RASEF: variants seen among roughly 807,000 people sequenced by gnomAD.
RASEF encodes RAS and EF-hand domain containing, also known as ras and EF-hand domain-containing protein.
Under a neutral mutation model 90.1 loss-of-function variants are expected in RASEF, and 68 were observed. The observed-to-expected ratio is 0.75, with a 90% CI of 0.62 to 0.92. The LOEUF is 0.92. Among genes scored for constraint, RASEF ranks in the 40% least tolerant of loss-of-function variants. The pLI is 0.00. For synonymous variants in RASEF, 331 were observed against 345.2 expected, an observed-to-expected ratio of 0.96 and a Z score of 0.46; for missense variants, 949 against 937.2, an observed-to-expected ratio of 1.01 and a Z score of -0.16.
the RASEF span, among the ~76,000 whole-genome samples, chr9:83,148,596 C>T: frequency 5.3e-5 from 8 of 152,114 alleles, no homozygotes; most frequent in Non-Finnish European, 1.2e-4. Context: ...AGATTTAGCC[C>T]CTGGAATTGT....
the RASEF span, among the ~76,000 whole-genome samples, chr9:83,216,179 G>A: frequency 2.0e-5 from 3 of 152,206 alleles, no homozygotes; most frequent in Non-Finnish European, 4.4e-5. Flanking sequence ...CATTTTCTGG[G>A]GAGAAATTCA....
At chr9:83,009,135 C>T (rs1292526413) in intron 6 of RASEF, among the ~76,000 whole-genome samples, 1 of 151,588 alleles carries the variant, frequency 6.6e-6, no homozygotes, top group Non-Finnish European at 1.5e-5. Flanking sequence ...GGGATACACA[C>T]ATATACACAT....
chr9:83,167,447 C>T, the RASEF span, among the ~76,000 whole-genome samples: 1 of 151,408 alleles, frequency 6.6e-6, no homozygotes, highest in Non-Finnish European at 1.5e-5. Context: ...GACACCAGCA[C>T]GTTGTAAACT....
At chr9:83,076,282 A>G in the RASEF span, among the ~76,000 whole-genome samples, 1 of 152,212 alleles carries the variant, frequency 6.6e-6, no homozygotes, top group Non-Finnish European at 1.5e-5. Flanking sequence ...TTTGAGTCTT[A>G]GATTAACAAT....
chr9:83,148,282 A>T, the RASEF span, among the ~76,000 whole-genome samples: 1 of 152,172 alleles, frequency 6.6e-6, no homozygotes, highest in African/African-American at 2.4e-5. Context: ...CTGAACTGTG[A>T]TCCCCCAAAT....
At chr9:83,104,968 A>G in the RASEF span, among the ~76,000 whole-genome samples, 2 of 152,206 alleles carry the variant, frequency 1.3e-5, no homozygotes, top group Non-Finnish European at 2.9e-5. Flanking sequence ...CTTTGGTGAC[A>G]AGAATAAAGA....
the RASEF span, among the ~76,000 whole-genome samples, chr9:83,112,153 A>G: frequency 2.9e-3 from 437 of 152,206 alleles, 3 homozygotes; most frequent in African/African-American, 9.9e-3. Flanking sequence ...ATAATAATGT[A>G]ATAATGCTAG....
Position 82,990,484 on chromosome 9 carries a change from C to T in RASEF, c.2041-17G>A. On this transcript the variant is annotated splice_polypyrimidine_tract_variant and intron_variant, in intron 15 of 16. Coordinates refer to ENST00000376447, the MANE Select transcript of RASEF (RefSeq NM_152573.4). Reference sequence around the variant, plus strand: ...CCCATACGTCTGTAAAAAAGAAATACACACAATTAAATGAAGCCCTTCATT... The same window carrying T: ...CCCATACGTCTGTAAAAAAGAAATATACACAATTAAATGAAGCCCTTCATT... 1 of 1,583,696 alleles carries T rather than the reference C, an allele frequency of 6.3e-7. No individual in the cohort carries two copies. Among genetic ancestry groups the T allele is most frequent in the Non-Finnish European group, 8.6e-7 (1 of 1,156,094 alleles).
At chr9:83,137,564 G>A in the RASEF span, among the ~76,000 whole-genome samples, 1 of 152,100 alleles carries the variant, frequency 6.6e-6, no homozygotes, top group African/African-American at 2.4e-5. Context: ...GGTTCATGCT[G>A]GGAATAAGAA....
chr9:83,173,011 G>T, the RASEF span, among the ~76,000 whole-genome samples: 10 of 151,926 alleles, frequency 6.6e-5, no homozygotes, highest in Non-Finnish European at 1.5e-4. Context: ...AGCTTTGCTG[G>T]ATATAGTATA....
chr9:83,014,279 T>C (rs1829302452), intron 4 of RASEF, among the ~76,000 whole-genome samples: 1 of 152,212 alleles, frequency 6.6e-6, no homozygotes, highest in African/African-American at 2.4e-5. Context: ...CAATAGTGTA[T>C]AAAATACAAA....
the RASEF span, among the ~76,000 whole-genome samples, chr9:83,103,089 C>T: frequency 6.6e-6 from 1 of 152,196 alleles, no homozygotes; most frequent in Non-Finnish European, 1.5e-5. Flanking sequence ...AAGGGATCCT[C>T]TGCTCTGAGC....
chr9:83,079,322 T>C, the RASEF span, among the ~76,000 whole-genome samples: 1 of 152,236 alleles, frequency 6.6e-6, no homozygotes, highest in African/African-American at 2.4e-5. Flanking sequence ...TTTTCCCCAT[T>C]GCTTGTTTTT....
At chr9:83,007,775 A>G (rs1336567534) in intron 6 of RASEF, among the ~76,000 whole-genome samples, 1 of 151,908 alleles carries the variant, frequency 6.6e-6, no homozygotes, top group Non-Finnish European at 1.5e-5. Context: ...TCTCCTCCTC[A>G]GCCCATCTCA....
the RASEF span, among the ~76,000 whole-genome samples, chr9:83,110,243 A>G: frequency 6.6e-6 from 1 of 152,334 alleles, no homozygotes; most frequent in Non-Finnish European, 1.5e-5. Context: ...TATGAGGCAG[A>G]CATTAGTTCC....
the RASEF span, among the ~76,000 whole-genome samples, chr9:83,176,435 T>C: frequency 6.6e-6 from 1 of 152,122 alleles, no homozygotes; most frequent in Non-Finnish European, 1.5e-5. Flanking sequence ...TTCTATCCTA[T>C]CTGAAAATCT....
intron 1 of RASEF, among the ~76,000 whole-genome samples, chr9:83,058,166 T>A (rs1830135271): frequency 6.9e-6 from 1 of 144,914 alleles, no homozygotes; most frequent in Admixed American, 7.0e-5. Context: ...CCTGATGTAT[T>A]TATGTCTTTT....
the RASEF span, among the ~76,000 whole-genome samples, chr9:83,095,359 G>A: frequency 1.5e-4 from 23 of 151,458 alleles, no homozygotes; most frequent in South Asian, 4.2e-4. Flanking sequence ...AATTTTTACC[G>A]TCACCCCTAT....
chr9:83,104,834 A>G, the RASEF span, among the ~76,000 whole-genome samples: 6 of 152,226 alleles, frequency 3.9e-5, no homozygotes, highest in East Asian at 1.9e-4. Flanking sequence ...AAACTGCTGG[A>G]TAACTTATAG....
Sources: allele counts gnomAD v4.1 joint callset (sites outside exome capture counted in the v4.1 genomes callset), GRCh38; gene constraint gnomAD v4.1.1; transcripts MANE v1.5; gene names NCBI Gene and HGNC (gene_info 2026-07-23, HGNC 2026-07-21).